C4orf17: variants seen among roughly 807,000 people sequenced by gnomAD.
C4orf17 encodes the protein uncharacterized protein C4orf17.
In C4orf17, 25 loss-of-function variants were observed where a neutral mutation model predicts 32.0. That is an observed-to-expected ratio of 0.78 (90% confidence interval 0.57 to 1.09). The LOEUF is 1.09. C4orf17 is among the 50% of genes least tolerant of loss of function. C4orf17 has a pLI of 0.00. For missense variants in C4orf17, 420 were observed against 420.0 expected (o/e 1.00, Z 0.00); for synonymous variants, 149 against 145.8 (o/e 1.02, Z -0.16).
chr4:99,528,029 CTTGAA>C (rs936383187), intron 4 of C4orf17, among the ~76,000 whole-genome samples: 1 of 152,054 alleles, frequency 6.6e-6, no homozygotes, highest in Non-Finnish European at 1.5e-5. Flanking sequence ...TCTATTTCTC[CTTGAA>C]TCAGTTTTTG....
chr4:99,536,314 G>A (rs1162393862), intron 5 of C4orf17, among the ~76,000 whole-genome samples: 1 of 152,172 alleles, frequency 6.6e-6, no homozygotes, highest in Non-Finnish European at 1.5e-5. Flanking sequence ...GTGCTGGCAG[G>A]CTGGAATGGC....
chr4:99,524,535 A>G lies in C4orf17; in HGVS notation c.352A>G (p.Ile118Val). ...PRPHSEPSRK[I>V]KECFKTSSEN... ...TTTTATTTCAGAGCCCAGTAGAAAA[A>G]TTAAAGAGTGCTTCAAAACTTCCAG... The change falls in exon 4 of 9, where the codon ATT becomes GTT. Residue 118 changes from isoleucine to valine, a missense_variant. Physicochemically the swap from Ile to Val is conservative, Grantham distance 29. Coordinates refer to ENST00000326581, the MANE Select transcript of C4orf17 (RefSeq NM_032149.3). The G allele has an allele frequency of 6.2e-7, 1 of 1,602,316 alleles. No individual in the cohort carries two copies. The highest frequency in any genetic ancestry group is 1.3e-5 in the African/African-American group (1 of 74,716).
intron 1 of C4orf17, among the ~76,000 whole-genome samples, chr4:99,512,067 G>A (rs1723101797): frequency 6.6e-6 from 1 of 152,074 alleles, no homozygotes; most frequent in Non-Finnish European, 1.5e-5. Flanking sequence ...CGATCTAAAA[G>A]CATCCATCCC....
intron 7 of C4orf17, among the ~76,000 whole-genome samples, chr4:99,539,851 C>T (rs1164049341): frequency 1.3e-5 from 2 of 151,924 alleles, no homozygotes; most frequent in African/African-American, 4.8e-5. Flanking sequence ...ACTCCTGGGG[C>T]CCCCTAGAGA....
intron 8 of C4orf17, 150 bp from the exon 9 acceptor site, chr4:99,541,759 GA>G (rs2110175557): frequency 1.6e-6 from 1 of 621,476 alleles, no homozygotes; most frequent in East Asian, 2.9e-5. Context: ...GAAAAAAAAA[GA>G]AAAGGAATAT....
At chr4:99,524,003 G>T in intron 3 of C4orf17, among the ~76,000 whole-genome samples, 1 of 135,308 alleles carries the variant, frequency 7.4e-6, no homozygotes, top group African/African-American at 2.8e-5. Context: ...TTTTTGAGAC[G>T]GAGTCTTGCT....
chr4:99,524,325 C>A (rs950723918), intron 3 of C4orf17, among the ~76,000 whole-genome samples, 196 bp from the exon 4 acceptor site: 1 of 152,060 alleles, frequency 6.6e-6, no homozygotes, highest in African/African-American at 2.4e-5. Flanking sequence ...GGGCATAGAA[C>A]TAGTTTTTAA....
chr4:99,540,727 T>A (rs1723639553), intron 8 of C4orf17: 1 of 283,662 alleles, frequency 3.5e-6, no homozygotes, highest in African/African-American at 2.2e-5. Flanking sequence ...GTTATAGCAA[T>A]TCAGTGAAAA....
chr4:99,529,777 T>C, intron 4 of C4orf17, 38 bp from the exon 5 acceptor site: 1 of 1,507,338 alleles, frequency 6.6e-7, no homozygotes, highest in African/African-American at 1.4e-5. Context: ...TATAGGTGGA[T>C]GCAAATGTAT....
intron 6 of C4orf17, 24 bp from the exon 7 acceptor site, chr4:99,539,139 A>T: frequency 6.2e-7 from 1 of 1,606,722 alleles, no homozygotes; most frequent in Non-Finnish European, 8.5e-7. Flanking sequence ...CACTCCTCCC[A>T]CCCTTTTTTG....
intron 8 of C4orf17, chr4:99,540,706 C>A: frequency 2.6e-6 from 1 of 378,162 alleles, no homozygotes; most frequent in Non-Finnish European, 4.8e-6. Flanking sequence ...ACAACAGGAA[C>A]TATAGGTTTG....
rs565884692 is a variant in C4orf17 at position 99,520,337 on chromosome 4, C to T, written c.128-2163C>T. 1.4e-4 allele frequency among the ~76,000 whole-genome samples: 22 copies of T among 152,170 alleles called. No individual in the cohort carries two copies. The South Asian group carries it at 2.1e-3, about 14-fold the overall frequency. On this transcript the variant is annotated intron_variant, in intron 2 of 8. Coordinates refer to ENST00000326581, the MANE Select transcript of C4orf17 (RefSeq NM_032149.3). Reference sequence around the variant, plus strand: ...GTCTCGATCTCCTGACCTCGTGATCCGCCCGCCTCAGCCTCCCAAAGTGCT... The same window carrying T: ...GTCTCGATCTCCTGACCTCGTGATCTGCCCGCCTCAGCCTCCCAAAGTGCT...
intron 2 of C4orf17, among the ~76,000 whole-genome samples, chr4:99,518,628 A>G (rs1723237158): frequency 6.9e-6 from 1 of 144,350 alleles, no homozygotes; most frequent in Non-Finnish European, 1.5e-5. Context: ...CCTACACAAA[A>G]TCCTTTGGAG....
chr4:99,524,579 T>A lies in C4orf17; in HGVS notation c.396T>A (p.Ile132=). The change falls in exon 4 of 9, where the codon ATT becomes ATA. Residue 132 remains isoleucine, a synonymous_variant. Transcript: ENST00000326581. ...FKTSSENPLV[I]KKEEIKAKRP... is the part of the protein sequence containing the mutation. ...CTTCCAGTGAGAATCCCTTAGTAAT[T>A]AAAAAGGTAAGGAACAGCTATTTAC... is the stretch of plus-strand genomic sequence containing the variant. 6.3e-7 allele frequency: 1 copy of A among 1,592,838 alleles called. No homozygotes were observed. Among genetic ancestry groups the A allele is most frequent in the Non-Finnish European group, 8.6e-7 (1 of 1,163,060 alleles).
intron 6 of C4orf17, 38 bp downstream of exon 6, chr4:99,537,788 A>T: frequency 7.0e-7 from 1 of 1,427,764 alleles, no homozygotes; most frequent in Non-Finnish European, 9.8e-7. Flanking sequence ...ACTGAGCTCA[A>T]TTTATTGTCA....
Position 99,542,159 on chromosome 4 carries a change from A to G in C4orf17, c.*50A>G, listed in dbSNP as rs1007632125. The stretch of plus-strand genomic sequence containing the variant: ...TCATGAATATGAGCTTCACATTTAC[A>G]TCATCAAATTATTTTTCAAATGAAT... On this transcript the variant is annotated 3_prime_UTR_variant, in exon 9 of 9. Coordinates refer to ENST00000326581, the MANE Select transcript of C4orf17 (RefSeq NM_032149.3). The G allele has an allele frequency of 1.4e-6, 2 of 1,477,376 alleles. No homozygotes were observed. Among genetic ancestry groups the G allele is most frequent in the Non-Finnish European group, 9.4e-7 (1 of 1,060,242 alleles). 91.5% of individuals were successfully genotyped at this position (1,477,376 alleles called of 1,614,324 possible).
chr4:99,541,565 T>G (rs774779446), intron 8 of C4orf17: 4 of 238,560 alleles, frequency 1.7e-5, no homozygotes, highest in Non-Finnish European at 2.4e-5. Flanking sequence ...AATTAACTTG[T>G]CTTAGCCTGT....
chr4:99,516,261 A>G (rs1229777280), intron 2 of C4orf17, among the ~76,000 whole-genome samples: 1 of 152,196 alleles, frequency 6.6e-6, no homozygotes, highest in Admixed American at 6.5e-5. Context: ...TTGTCAGACA[A>G]TAAAATCAAT....
chr4:99,512,277 A>C (rs1723104745), intron 1 of C4orf17, among the ~76,000 whole-genome samples: 1 of 152,174 alleles, frequency 6.6e-6, no homozygotes, highest in South Asian at 2.1e-4. Context: ...AAAGCATACT[A>C]TTTTCAAGAA....
Sources: gnomAD v4.1 joint callset for allele counts (sites outside exome capture counted in the v4.1 genomes callset) on GRCh38, gnomAD v4.1.1 for gene constraint, MANE v1.5 for transcripts, NCBI Gene and HGNC (gene_info 2026-07-23, HGNC 2026-07-21) for gene names.